Variants in GPC6 observed in about 807,000 individuals in gnomAD.
The protein encoded by GPC6 is glypican 6, also known as glypican-6.
GPC6 carries 14 observed loss-of-function variants against 55.2 expected under a neutral mutation model. The observed-to-expected ratio is 0.25, with a 90% CI of 0.17 to 0.40. GPC6 has a LOEUF of 0.40. Ranked by LOEUF, GPC6 falls within the 10% of genes least tolerant of loss-of-function variation. The probability of loss-of-function intolerance (pLI) is 1.00; values close to 1 mark genes in which losing one functional copy is unlikely to be tolerated. For synonymous variants in GPC6, 278 were observed against 259.6 expected (o/e 1.07, Z -0.68); for missense variants, 641 against 708.5 (o/e 0.90, Z 1.08).
intron 2 of GPC6, among the ~76,000 whole-genome samples, chr13:93,551,040 G>T (rs1364676604): frequency 6.6e-6 from 1 of 152,048 alleles, no homozygotes; most frequent in African/African-American, 2.4e-5. Flanking sequence ...CTATGTAGTG[G>T]CATCCAAGAA....
intron 4 of GPC6, among the ~76,000 whole-genome samples, chr13:94,280,641 G>T (rs1290626670): frequency 1.3e-5 from 2 of 152,050 alleles, no homozygotes; most frequent in African/African-American, 4.8e-5. Flanking sequence ...ATAACTGGGG[G>T]CCAATGAGTG....
rs967506317 is a variant in GPC6, at chr13:94,264,939, C to T, written c.878-21410C>T. Among the ~76,000 whole-genome samples the T allele has an allele frequency of 3.3e-5, 5 of 152,280 alleles. No individual in the cohort carries two copies. In the South Asian group the frequency reaches 6.2e-4, roughly 19 times the overall value. On this transcript the variant is annotated intron_variant, in intron 4 of 8. Transcript: ENST00000377047. ...AAAATCCTATATAAAGCCATCAGAT[C>T]TCGTGAGACTTATTCACTATCACAA... is the stretch of plus-strand genomic sequence containing the variant.
chr13:94,195,302 T>C (rs964611872), intron 4 of GPC6, among the ~76,000 whole-genome samples: 7 of 152,168 alleles, frequency 4.6e-5, no homozygotes, highest in Non-Finnish European at 8.8e-5. Flanking sequence ...TAAGAAGCCA[T>C]TGTGGGCATG....
intron 2 of GPC6, among the ~76,000 whole-genome samples, chr13:93,731,627 T>G (rs1006321448): frequency 3.3e-5 from 5 of 152,182 alleles, no homozygotes; most frequent in African/African-American, 4.8e-5. Flanking sequence ...CATGTGTATG[T>G]GCTGTATATT....
In GPC6 at chr13:93,760,200, T is replaced by C. The variant is rs77135414; in HGVS notation, c.320-69954T>C. The stretch of plus-strand genomic sequence containing the variant: ...TAGAAAGGCTGAGGCTTAGAAATAT[T>C]AAGTAACTAATAGTCCAGTGCAAGA... On this transcript the variant is annotated intron_variant, in intron 2 of 8. Transcript: ENST00000377047. Among the ~76,000 whole-genome samples, 635 of 152,248 alleles carry C rather than the reference T, an allele frequency of 4.2e-3. 4 individuals are homozygous for C. The highest frequency in any genetic ancestry group is 0.013 in the African/African-American group (534 of 41,554).
intron 3 of GPC6, among the ~76,000 whole-genome samples, chr13:93,936,654 A>G (rs1878448878): frequency 1.3e-5 from 2 of 152,198 alleles, no homozygotes; most frequent in Non-Finnish European, 2.9e-5. Flanking sequence ...ATTTCATGGA[A>G]TGGGAAATAA....
At chr13:94,113,753 T>A (rs1886329276) in intron 4 of GPC6, among the ~76,000 whole-genome samples, 1 of 151,926 alleles carries the variant, frequency 6.6e-6, no homozygotes, top group Non-Finnish European at 1.5e-5. Context: ...GGGCATAGTA[T>A]CTCACGCCTG....
intron 2 of GPC6, among the ~76,000 whole-genome samples, chr13:93,728,789 A>G (rs781124429): frequency 6.6e-6 from 1 of 151,798 alleles, no homozygotes; most frequent in Non-Finnish European, 1.5e-5. Flanking sequence ...CTGGTTTCGA[A>G]CTCCTGACCT....
At chr13:94,133,891 C>T (rs1276445563) in intron 4 of GPC6, among the ~76,000 whole-genome samples, 1 of 152,130 alleles carries the variant, frequency 6.6e-6, no homozygotes, top group African/African-American at 2.4e-5. Flanking sequence ...GATCCACCTC[C>T]TGCCAAAGAC....
chr13:94,070,178 A>G (rs1201190433), intron 4 of GPC6, among the ~76,000 whole-genome samples: 1 of 152,126 alleles, frequency 6.6e-6, no homozygotes, highest in African/African-American at 2.4e-5. Context: ...CGGCAGGCAA[A>G]GAGAGAGAGA....
upstream of GPC6, among the ~76,000 whole-genome samples, chr13:93,222,811 T>A (rs1243800297): frequency 6.6e-6 from 1 of 152,160 alleles, no homozygotes; most frequent in Non-Finnish European, 1.5e-5. Flanking sequence ...GGATATTTAT[T>A]GATTATTTAA....
chr13:94,347,027 G>A (rs945167249), intron 6 of GPC6, among the ~76,000 whole-genome samples: 2 of 152,128 alleles, frequency 1.3e-5, no homozygotes, highest in Non-Finnish European at 2.9e-5. Flanking sequence ...GAAGCATCAT[G>A]AGTATAATTT....
chr13:93,811,795 G>A (rs1031752340), intron 2 of GPC6, among the ~76,000 whole-genome samples: 8 of 152,082 alleles, frequency 5.3e-5, no homozygotes, highest in African/African-American at 1.9e-4. Context: ...AAAAATATGT[G>A]TAAGGAAACA....
At chr13:93,802,822 G>GT (rs1886421175) in intron 2 of GPC6, among the ~76,000 whole-genome samples, 4 of 152,150 alleles carry the variant, frequency 2.6e-5, no homozygotes, top group Non-Finnish European at 5.9e-5. Flanking sequence ...AGAAACACCT[G>GT]AGAGAGAAAT....
chr13:94,150,240 A>G (rs1887691551), intron 4 of GPC6, among the ~76,000 whole-genome samples: 1 of 152,052 alleles, frequency 6.6e-6, no homozygotes, highest in African/African-American at 2.4e-5. Context: ...GAACTGGTCC[A>G]CTTAATTCTA....
chr13:93,491,743 A>G lies in GPC6; in HGVS notation c.161-53520A>G, dbSNP rs1390231750. Among the ~76,000 whole-genome samples the G allele has an allele frequency of 5.6e-5, 7 of 124,636 alleles. No individual in the cohort carries two copies. In the East Asian group the frequency reaches 2.0e-3, roughly 36 times the overall value. 81.8% of individuals were successfully genotyped at this position (124,636 alleles called of 152,430 possible). A position where few individuals can be genotyped will look rare whatever the true frequency, so the allele number is the denominator to read the frequency against. On this transcript the variant is annotated intron_variant, in intron 1 of 8. Coordinates refer to ENST00000377047, the MANE Select transcript of GPC6 (RefSeq NM_005708.5). ...CAGTTTCAGCTTTCTACATATGTCT[A>G]GCCAGTTTTCCCAGCACCATTTATT...
intron 3 of GPC6, among the ~76,000 whole-genome samples, chr13:93,912,377 T>G (rs1877028296): frequency 6.6e-6 from 1 of 152,184 alleles, no homozygotes; most frequent in African/African-American, 2.4e-5. Context: ...TATTTTTAAT[T>G]CTTGTTCATG....
intron 6 of GPC6, among the ~76,000 whole-genome samples, chr13:94,339,353 C>T (rs1046800927): frequency 1.3e-5 from 2 of 152,140 alleles, no homozygotes; most frequent in African/African-American, 2.4e-5. Flanking sequence ...CGTGAGCCAT[C>T]GCACCCGGCC....
intron 3 of GPC6, among the ~76,000 whole-genome samples, chr13:93,971,544 C>T (rs1357365416): frequency 6.6e-6 from 1 of 152,190 alleles, no homozygotes; most frequent in Non-Finnish European, 1.5e-5. Flanking sequence ...ATATTTTGCT[C>T]TTGGAACAAA....
Sources: gnomAD v4.1 joint callset for allele counts (sites outside exome capture counted in the v4.1 genomes callset) on GRCh38, gnomAD v4.1.1 for gene constraint, MANE v1.5 for transcripts, NCBI Gene and HGNC (gene_info 2026-07-23, HGNC 2026-07-21) for gene names.